The following HPSE2 variants were observed in gnomAD, a reference collection of about 807,000 sequenced individuals.
HPSE2 encodes inactive heparanase-2.
A neutral mutation model predicts 60.5 loss-of-function variants in HPSE2; 38 were observed. That is an observed-to-expected ratio of 0.63 (90% CI 0.48 to 0.82). The LOEUF is 0.82. Ranked by LOEUF, HPSE2 falls within the 40% of genes least tolerant of loss-of-function variation. The probability of loss-of-function intolerance (pLI) is 0.00; values close to 1 mark genes in which losing one functional copy is unlikely to be tolerated. For synonymous variants in HPSE2, 295 were observed against 293.2 expected (o/e 1.01, Z -0.06); for missense variants, 713 against 740.4 (o/e 0.96, Z 0.43).
rs147155261 is a variant in HPSE2, at chr10:99,011,677, A to G, written c.610+132561T>C. Reference sequence around the variant, plus strand: ...AGACTGAGGCAGGAGAATTGCTTGAACCCAAGAGGCAGGGGTTGCAGTGAG... The same window carrying G: ...AGACTGAGGCAGGAGAATTGCTTGAGCCCAAGAGGCAGGGGTTGCAGTGAG... On this transcript the variant is annotated intron_variant, in intron 3 of 11. Coordinates refer to ENST00000370552, the MANE Select transcript of HPSE2 (RefSeq NM_021828.5). Among the ~76,000 whole-genome samples, 1,029 of 141,466 alleles carry G rather than the reference A, an allele frequency of 7.3e-3. 2 individuals are homozygous for G. Among genetic ancestry groups the G allele is most frequent in the Middle Eastern group, 0.029 (7 of 240 alleles). 92.8% of individuals were successfully genotyped at this position (141,466 alleles called of 152,430 possible).
intron 9 of HPSE2, among the ~76,000 whole-genome samples, chr10:98,595,258 C>T (rs1027519736): frequency 1.3e-5 from 2 of 150,688 alleles, no homozygotes; most frequent in Admixed American, 6.6e-5. Flanking sequence ...CAAGCTCCGC[C>T]TCCCGGGTTC....
At chr10:99,191,062 A>G (rs1290525548) in intron 2 of HPSE2, among the ~76,000 whole-genome samples, 1 of 152,100 alleles carries the variant, frequency 6.6e-6, no homozygotes, top group Non-Finnish European at 1.5e-5. Context: ...GGAAAGAAGA[A>G]GGGGAAGGAC....
intron 9 of HPSE2, among the ~76,000 whole-genome samples, chr10:98,519,527 TG>T (rs1325337165): frequency 6.6e-6 from 1 of 152,260 alleles, no homozygotes; most frequent in African/African-American, 2.4e-5. Context: ...GTGCATGTGC[TG>T]TGCTTAAAGA....
At chr10:98,888,670 T>C (rs935086060) in intron 3 of HPSE2, among the ~76,000 whole-genome samples, 1 of 152,226 alleles carries the variant, frequency 6.6e-6, no homozygotes. Context: ...CTCCCCAAAC[T>C]GGCTGGCATA....
At chr10:99,161,888 G>C (rs1846860670) in intron 2 of HPSE2, among the ~76,000 whole-genome samples, 1 of 152,142 alleles carries the variant, frequency 6.6e-6, no homozygotes, top group South Asian at 2.1e-4. Flanking sequence ...CTACAATGTG[G>C]ATGAACCTTG....
At chr10:99,288,748 CAAAAAAAAAA>C in the HPSE2 span, among the ~76,000 whole-genome samples, 8 of 75,792 alleles carry the variant, frequency 1.1e-4, no homozygotes, top group South Asian at 5.6e-4. Flanking sequence ...CAGCCTCAAG[CAAAAAAAAAA>C]AAAAAAAAAA....
intron 9 of HPSE2, among the ~76,000 whole-genome samples, chr10:98,607,066 CCTCCCTCCCTCT>C (rs1945611978): frequency 1.5e-5 from 2 of 136,372 alleles, no homozygotes; most frequent in Non-Finnish European, 3.2e-5. Flanking sequence ...TCCCTCCCTC[CCTCCCTCCCTCT>C]CTCCCTCCCT....
the HPSE2 span, among the ~76,000 whole-genome samples, chr10:99,264,234 C>T: frequency 6.6e-6 from 1 of 151,958 alleles, no homozygotes; most frequent in East Asian, 1.9e-4. Flanking sequence ...ACTACAGGTG[C>T]CCACCACCAT....
At chr10:99,225,642 G>A (rs1002046466) in intron 2 of HPSE2, among the ~76,000 whole-genome samples, 3 of 152,072 alleles carry the variant, frequency 2.0e-5, no homozygotes, top group South Asian at 2.1e-4. Flanking sequence ...GTTAGAGGGA[G>A]GGGATGAATG....
chr10:98,948,170 C>T (rs546897506), intron 3 of HPSE2, among the ~76,000 whole-genome samples: 1 of 152,230 alleles, frequency 6.6e-6, no homozygotes, highest in South Asian at 2.1e-4. Context: ...AAATAAAAAG[C>T]TGTGAAAGCC....
the HPSE2 span, among the ~76,000 whole-genome samples, chr10:99,259,745 G>A: frequency 6.6e-6 from 1 of 152,326 alleles, no homozygotes; most frequent in Non-Finnish European, 1.5e-5. Flanking sequence ...CTGTTAGGAA[G>A]GGGGACCACA....
intron 9 of HPSE2, among the ~76,000 whole-genome samples, chr10:98,495,028 A>G (rs772138776): frequency 8.5e-5 from 13 of 152,142 alleles, no homozygotes; most frequent in Admixed American, 4.6e-4. Context: ...CTTTCATTGC[A>G]ACAAGCAGGA....
At chr10:98,519,583 C>G (rs1942718657) in intron 9 of HPSE2, among the ~76,000 whole-genome samples, 1 of 152,252 alleles carries the variant, frequency 6.6e-6, no homozygotes, top group Admixed American at 6.5e-5. Context: ...GCTGCAGAAG[C>G]TGAGCCAGTG....
intron 11 of HPSE2, among the ~76,000 whole-genome samples, chr10:98,474,814 T>C (rs1302246881): frequency 1.3e-5 from 2 of 152,178 alleles, no homozygotes; most frequent in Admixed American, 6.5e-5. Context: ...TGTCTATTTA[T>C]GGCACCACCC....
At chr10:99,118,014 T>C (rs996184669) in intron 3 of HPSE2, among the ~76,000 whole-genome samples, 13 of 152,224 alleles carry the variant, frequency 8.5e-5, no homozygotes, top group Middle Eastern at 3.4e-3. Context: ...AAAAATCTTA[T>C]CCACCACATC....
chr10:98,600,980 AACAG>A (rs1457651911), intron 9 of HPSE2, among the ~76,000 whole-genome samples: 1 of 143,500 alleles, frequency 7.0e-6, no homozygotes, highest in Non-Finnish European at 1.5e-5. Flanking sequence ...GAGAGAAAGA[AACAG>A]ACAGATTGAT....
intron 9 of HPSE2, among the ~76,000 whole-genome samples, chr10:98,500,063 C>A (rs984661715): frequency 6.6e-6 from 1 of 152,108 alleles, no homozygotes; most frequent in South Asian, 2.1e-4. Context: ...GACAGCAACA[C>A]AGTAATAGTG....
At chr10:98,776,276 T>TAAA (rs1950337822) in intron 3 of HPSE2, among the ~76,000 whole-genome samples, 1 of 38,146 alleles carries the variant, frequency 2.6e-5, no homozygotes, top group African/African-American at 8.6e-5. Flanking sequence ...CTACTAAAAA[T>TAAA]ACAAAAAAAA....
chr10:98,629,584 C>G (rs894319662), intron 7 of HPSE2, among the ~76,000 whole-genome samples: 1 of 152,204 alleles, frequency 6.6e-6, no homozygotes, highest in African/African-American at 2.4e-5. Flanking sequence ...CACTGCCCCT[C>G]CCTGAGTTCT....
Sources: gnomAD v4.1 joint callset for allele counts (sites outside exome capture counted in the v4.1 genomes callset) on GRCh38, gnomAD v4.1.1 for gene constraint, MANE v1.5 for transcripts, NCBI Gene and HGNC (gene_info 2026-07-23, HGNC 2026-07-21) for gene names.